MTMR2: variants seen among roughly 807,000 people sequenced by gnomAD.
MTMR2 encodes the protein phosphatidylinositol-3,5-bisphosphate 3-phosphatase MTMR2.
Under a neutral mutation model 86.9 loss-of-function variants are expected in MTMR2, and 55 were observed. The ratio of observed to expected loss-of-function variants is 0.63; its 90% confidence interval spans 0.51 to 0.79. The LOEUF (loss-of-function observed/expected upper bound fraction) is 0.79, where lower values mean the gene tolerates loss of function less well. Ranked by LOEUF, MTMR2 falls within the 30% of genes least tolerant of loss-of-function variation. The pLI, the probability that MTMR2 is intolerant of heterozygous loss-of-function variation, is 0.00. For synonymous variants in MTMR2, 241 were observed against 266.8 expected (o/e 0.90, Z 0.94); for missense variants, 659 against 772.3 (o/e 0.85, Z 1.74).
intron 1 of MTMR2, among the ~76,000 whole-genome samples, chr11:95,917,027 TC>T (rs1317270590): frequency 6.6e-6 from 1 of 152,092 alleles, no homozygotes; most frequent in Non-Finnish European, 1.5e-5. Flanking sequence ...GAAGGCATCT[TC>T]CCTAGTCCTT....
intron 1 of MTMR2, among the ~76,000 whole-genome samples, chr11:95,919,892 T>G (rs1270301695): frequency 2.0e-5 from 3 of 152,100 alleles, no homozygotes; most frequent in Non-Finnish European, 4.4e-5. Flanking sequence ...CAATACAAAC[T>G]AATCAAAGAA....
At chr11:95,921,651 A>C (rs1866932145) in intron 1 of MTMR2, among the ~76,000 whole-genome samples, 1 of 152,228 alleles carries the variant, frequency 6.6e-6, no homozygotes, top group Non-Finnish European at 1.5e-5. Flanking sequence ...TGATTAATGA[A>C]ATAAAAGATA....
rs1312817136 is a variant in MTMR2, at chr11:95,834,930, CACAGTGAGCACAGAG to C, written c.*345_*359del. Reference sequence around the variant, plus strand: ...TGGTTTGAAAACTGATGTTCCTCTGCACAGTGAGCACAGAGTGTATTTCTAAAATGGTTTTAATAT... The same window carrying C: ...TGGTTTGAAAACTGATGTTCCTCTGCTGTATTTCTAAAATGGTTTTAATAT... On this transcript the variant is annotated 3_prime_UTR_variant, in exon 15 of 15. Transcript: ENST00000346299. The C allele has an allele frequency of 2.7e-5, 8 of 299,392 alleles. No individual in the cohort carries two copies. Among genetic ancestry groups the C allele is most frequent in the African/African-American group, 1.5e-4 (7 of 46,202 alleles). The allele number at this position is 299,392 out of a possible 1,614,324, so 18.5% of individuals were successfully genotyped here.
chr11:95,900,599 C>T (rs1866036876), intron 1 of MTMR2, among the ~76,000 whole-genome samples: 1 of 151,992 alleles, frequency 6.6e-6, no homozygotes, highest in Non-Finnish European at 1.5e-5. Flanking sequence ...TATATCCAAA[C>T]GCACCCTTCC....
At chr11:95,837,782 A>T (rs1277260670) in intron 13 of MTMR2, among the ~76,000 whole-genome samples, 1 of 152,024 alleles carries the variant, frequency 6.6e-6, no homozygotes, top group African/African-American at 2.4e-5. Flanking sequence ...GCTGTAAAGG[A>T]TTTCCATTCT....
At position 95,833,183 on chromosome 11, in the gene MTMR2, G is replaced by T. The variant is rs942614887; in HGVS notation, c.*2107C>A. On this transcript the variant is annotated 3_prime_UTR_variant, in exon 15 of 15. Transcript: ENST00000346299. The stretch of plus-strand genomic sequence containing the variant: ...CAAAGTGGGGAGGCAGGAATCTGCA[G>T]ATTACATGAGGCAATTGTGAACAGC... 6.6e-6 allele frequency: 1 copy of T among 152,196 alleles called. No individual in the cohort carries two copies. The highest frequency in any genetic ancestry group is 6.6e-5 in the Admixed American group (1 of 15,266). The allele number at this position is 152,196 out of a possible 1,614,324, so 9.4% of individuals were successfully genotyped here. A position where few individuals can be genotyped will look rare whatever the true frequency, so the allele number is the denominator to read the frequency against.
intron 9 of MTMR2, among the ~76,000 whole-genome samples, chr11:95,848,618 C>A (rs534175590): frequency 6.6e-6 from 1 of 152,030 alleles, no homozygotes; most frequent in East Asian, 1.9e-4. Context: ...CTACCTAACT[C>A]GTGTAAAATT....
intron 1 of MTMR2, among the ~76,000 whole-genome samples, chr11:95,899,515 A>C (rs1258623488): frequency 6.6e-6 from 1 of 152,126 alleles, no homozygotes; most frequent in African/African-American, 2.4e-5. Context: ...TGAGTGTTCT[A>C]TGAAGATATA....
chr11:95,847,817 A>G lies in MTMR2; in HGVS notation c.1076T>C (p.Met359Thr). ...VFLDIHNIHV[M>T]RESLRKLKEI... Reference sequence around the variant, plus strand: ...CTTAAGTTTTCGTAATGATTCTCTCATAACATGAATATTGTGGATATCCAG... The same window carrying G: ...CTTAAGTTTTCGTAATGATTCTCTCGTAACATGAATATTGTGGATATCCAG... The change falls in exon 10 of 15, where the codon ATG (methionine) becomes ACG (threonine). Residue 359 changes from methionine to threonine, a missense_variant. Coordinates refer to ENST00000346299, the MANE Select transcript of MTMR2 (RefSeq NM_016156.6). 6.2e-7 allele frequency: 1 copy of G among 1,613,728 alleles called. No homozygotes were observed. The highest frequency in any genetic ancestry group is 2.2e-5 in the East Asian group (1 of 44,850).
At chr11:95,904,526 C>T (rs1390810712) in intron 1 of MTMR2, among the ~76,000 whole-genome samples, 2 of 152,148 alleles carry the variant, frequency 1.3e-5, no homozygotes, top group African/African-American at 2.4e-5. Context: ...GTCTTAAAGA[C>T]CTTGCTGATA....
At position 95,833,369 on chromosome 11, in the gene MTMR2, A is replaced by ATAC. The variant is rs1491407728; in HGVS notation, c.*1920_*1921insGTA. ...CAATAGACATACAAAGTTATGAAAC[A>ATAC]TGTAACTGTCAATTCAAATATTTAA... is the stretch of plus-strand genomic sequence containing the variant. On this transcript the variant is annotated 3_prime_UTR_variant, in exon 15 of 15. Coordinates refer to ENST00000346299, the MANE Select transcript of MTMR2 (RefSeq NM_016156.6). The ATAC allele has an allele frequency of 6.6e-6, 1 of 152,146 alleles. No homozygotes were observed. The highest frequency in any genetic ancestry group is 6.6e-5 in the Admixed American group (1 of 15,252). The allele number at this position is 152,146 out of a possible 1,614,324, so 9.4% of individuals were successfully genotyped here.
At chr11:95,883,330 C>G (rs1865401655) in intron 2 of MTMR2, among the ~76,000 whole-genome samples, 1 of 152,182 alleles carries the variant, frequency 6.6e-6, no homozygotes, top group South Asian at 2.1e-4. Flanking sequence ...CTTAATTCTA[C>G]TAAGTTGCCA....
chr11:95,921,629 A>G (rs1866930828), intron 1 of MTMR2, among the ~76,000 whole-genome samples: 2 of 152,210 alleles, frequency 1.3e-5, no homozygotes, highest in Admixed American at 1.3e-4. Context: ...AGAGTGCCAC[A>G]AACAGGTATG....
chr11:95,888,877 C>T (rs1236695501), intron 1 of MTMR2, among the ~76,000 whole-genome samples: 1 of 151,956 alleles, frequency 6.6e-6, no homozygotes, highest in Non-Finnish European at 1.5e-5. Flanking sequence ...ATTATCAGAC[C>T]AACAAACAAG....
intron 10 of MTMR2, among the ~76,000 whole-genome samples, chr11:95,846,329 G>A (rs867644006): frequency 1.7e-4 from 26 of 152,244 alleles, no homozygotes; most frequent in Middle Eastern, 3.4e-3. Flanking sequence ...CTCTAGGCAC[G>A]GGCCATACAG....
chr11:95,848,868 C>T (rs191726816), intron 9 of MTMR2, among the ~76,000 whole-genome samples: 16 of 152,248 alleles, frequency 1.1e-4, no homozygotes, highest in Admixed American at 1.0e-3. Context: ...AAGATTACTT[C>T]TGAAGAGTGG....
chr11:95,861,091 C>T (rs141332090), intron 5 of MTMR2, among the ~76,000 whole-genome samples: 5,248 of 148,156 alleles, frequency 0.035, 136 homozygotes, highest in South Asian at 0.09. Flanking sequence ...ACCCAGGAGA[C>T]GGAGCTTGCA....
At chr11:95,890,279 T>C (rs1270100823) in intron 1 of MTMR2, among the ~76,000 whole-genome samples, 1 of 152,200 alleles carries the variant, frequency 6.6e-6, no homozygotes, top group Non-Finnish European at 1.5e-5. Flanking sequence ...TAAATTCTGA[T>C]TAAATGTCAT....
At chr11:95,855,664 C>A (rs575027198) in intron 7 of MTMR2, among the ~76,000 whole-genome samples, 150 of 152,134 alleles carry the variant, frequency 9.9e-4, no homozygotes, top group African/African-American at 3.4e-3. Flanking sequence ...TAAAGCCAGT[C>A]ATGATATCTG....
Sources: gnomAD v4.1 joint callset for allele counts (sites outside exome capture counted in the v4.1 genomes callset) on GRCh38, gnomAD v4.1.1 for gene constraint, MANE v1.5 for transcripts, NCBI Gene and HGNC (gene_info 2026-07-23, HGNC 2026-07-21) for gene names.